DSCAML1: variants seen among roughly 807,000 people sequenced by gnomAD.
DSCAML1 encodes the protein cell adhesion molecule DSCAML1.
DSCAML1 carries 38 observed loss-of-function variants against 200.5 expected under a neutral mutation model. The ratio of observed to expected loss-of-function variants is 0.19; its 90% CI spans 0.15 to 0.25. The LOEUF (loss-of-function observed/expected upper bound fraction) is 0.25, where lower values mean the gene tolerates loss of function less well. DSCAML1 is among the 10% of genes least tolerant of loss of function. The pLI, the probability that DSCAML1 is intolerant of heterozygous loss-of-function variation, is 1.00. For missense variants in DSCAML1, 2,223 were observed against 2,858.8 expected (o/e 0.78, Z 5.07); for synonymous variants, 1,215 against 1,165.0 (o/e 1.04, Z -0.87).
At chr11:117,734,111 C>T (rs1399135146) in intron 3 of DSCAML1, among the ~76,000 whole-genome samples, 2 of 152,116 alleles carry the variant, frequency 1.3e-5, no homozygotes, top group African/African-American at 2.4e-5. Flanking sequence ...GGACCAATTG[C>T]ATGCATGTAA....
At chr11:117,553,229 A>G (rs1295313248) in intron 3 of DSCAML1, among the ~76,000 whole-genome samples, 1 of 152,248 alleles carries the variant, frequency 6.6e-6, no homozygotes, top group Non-Finnish European at 1.5e-5. Flanking sequence ...ATCTGGCAAC[A>G]ATTTCTTGGA....
rs1249098224 is a variant in DSCAML1 at position 117,437,865 on chromosome 11, C to A, written c.4432+30G>T. 6.3e-6 allele frequency: 10 copies of A among 1,579,336 alleles called. No homozygotes were observed. The highest frequency in any genetic ancestry group is 1.2e-5 in the South Asian group (1 of 86,632). ...GCCCACCCTCCCTGGGCCCATCGCT[C>A]CTTCCCTGCCCCAGTGGCCTGGGCC... On this transcript the variant is annotated intron_variant, in intron 25 of 32. Coordinates refer to ENST00000651296, the MANE Select transcript of DSCAML1 (RefSeq NM_020693.4). The surrounding 1 kb of genome is among the most constrained non-coding windows in gnomAD (Gnocchi z 5.3).
At chr11:117,510,022 G>C (rs981608940) in intron 8 of DSCAML1, among the ~76,000 whole-genome samples, 1 of 152,242 alleles carries the variant, frequency 6.6e-6, no homozygotes, top group East Asian at 1.9e-4. Context: ...CAATGGTGAA[G>C]AGGCAGAGGC....
chr11:117,743,813 C>A (rs1304277341), intron 3 of DSCAML1, among the ~76,000 whole-genome samples: 1 of 152,226 alleles, frequency 6.6e-6, no homozygotes, highest in Non-Finnish European at 1.5e-5. Flanking sequence ...ACACCCGCAG[C>A]CTGCCTGTGA....
chr11:117,513,259 G>T (rs1488402327), intron 8 of DSCAML1, among the ~76,000 whole-genome samples: 1 of 152,128 alleles, frequency 6.6e-6, no homozygotes, highest in African/African-American at 2.4e-5. Context: ...TGGGCTGGGG[G>T]TTGTTAGGTC....
chr11:117,497,334 T>C (rs2049308152), intron 11 of DSCAML1, among the ~76,000 whole-genome samples: 1 of 152,142 alleles, frequency 6.6e-6, no homozygotes, highest in Non-Finnish European at 1.5e-5. Context: ...CTCCCTGGGC[T>C]CTGCAGAGGG....
chr11:117,704,914 A>G (rs2508560), intron 3 of DSCAML1, among the ~76,000 whole-genome samples: 138,414 of 152,080 alleles, frequency 0.91, 63,482 homozygotes, highest in Non-Finnish European at 0.97. Flanking sequence ...CTGGAAAAGC[A>G]TTTCCATTTC....
intron 1 of DSCAML1, among the ~76,000 whole-genome samples, chr11:117,786,468 A>G (rs2055353765): frequency 6.6e-6 from 1 of 152,212 alleles, no homozygotes; most frequent in Non-Finnish European, 1.5e-5. Flanking sequence ...CTGAAACCTA[A>G]GTATCCATTG....
rs1173080359 is a variant in DSCAML1 at position 117,489,591 on chromosome 11, G to A, written c.2360-7429C>T. Among the ~76,000 whole-genome samples, 1 of 152,152 alleles carries A rather than the reference G, an allele frequency of 6.6e-6. No homozygotes were observed. Among genetic ancestry groups the A allele is most frequent in the Non-Finnish European group, 1.5e-5 (1 of 68,008 alleles). On this transcript the variant is annotated intron_variant, in intron 11 of 32. Transcript: ENST00000651296. The surrounding 1 kb of genome is among the most constrained non-coding windows in gnomAD (Gnocchi z 4.8). ...TTAGGTGGGGTAGGGTCTTCTCTCT[G>A]AGACCCTGGGGGAGTGAAGACCCTG...
At chr11:117,537,851 C>T (rs2050197025) in intron 3 of DSCAML1, among the ~76,000 whole-genome samples, 1 of 152,198 alleles carries the variant, frequency 6.6e-6, no homozygotes, top group African/African-American at 2.4e-5. Flanking sequence ...CCTCTGGAGC[C>T]TGTAGAGAGA....
At position 117,797,129 on chromosome 11, in the gene DSCAML1, G is replaced by GC. The variant is rs1283438967; in HGVS notation, c.-51dup. 6.3e-7 allele frequency: 1 copy of GC among 1,591,266 alleles called. No homozygotes were observed. Among genetic ancestry groups the GC allele is most frequent in the East Asian group, 2.4e-5 (1 of 42,380 alleles). ...GGGAGGTGGTCCTGTGGCCGGCCGTGCGGCAGCGCCTCTCCCCCGCTCAGC... is the reference window on the plus strand; with the variant it reads ...GGGAGGTGGTCCTGTGGCCGGCCGTGCCGGCAGCGCCTCTCCCCCGCTCAGC... On this transcript the variant is annotated 5_prime_UTR_variant, in exon 1 of 33. Coordinates refer to ENST00000651296, the MANE Select transcript of DSCAML1 (RefSeq NM_020693.4).
intron 11 of DSCAML1, among the ~76,000 whole-genome samples, chr11:117,485,933 T>TGGGTGTA (rs1350570444): frequency 2.0e-5 from 3 of 152,318 alleles, no homozygotes; most frequent in Admixed American, 2.0e-4. Context: ...CTACACCTAC[T>TGGGTGTA]GGTGTCAGCC....
At chr11:117,685,212 G>T (rs1299687247) in intron 3 of DSCAML1, among the ~76,000 whole-genome samples, 1 of 152,202 alleles carries the variant, frequency 6.6e-6, no homozygotes. Flanking sequence ...GAGCTGGAAG[G>T]AATCTCAAAG....
chr11:117,459,183 C>A (rs1265323894), intron 18 of DSCAML1, among the ~76,000 whole-genome samples: 1 of 152,250 alleles, frequency 6.6e-6, no homozygotes, highest in Non-Finnish European at 1.5e-5. Context: ...TTCACCTTGA[C>A]ACGCTCTTTA....
At chr11:117,534,792 T>C (rs1051706511) in intron 3 of DSCAML1, among the ~76,000 whole-genome samples, 2 of 152,162 alleles carry the variant, frequency 1.3e-5, no homozygotes, top group Middle Eastern at 3.2e-3. Flanking sequence ...AAAAAATTTT[T>C]GTAGAGATGA....
chr11:117,635,602 T>C (rs2052266055), intron 3 of DSCAML1, among the ~76,000 whole-genome samples: 1 of 143,428 alleles, frequency 7.0e-6, no homozygotes, highest in South Asian at 2.2e-4. Context: ...AAAAAGGAAA[T>C]GAAGAAAGAG....
At chr11:117,675,060 G>T (rs2053182886) in intron 3 of DSCAML1, among the ~76,000 whole-genome samples, 1 of 152,136 alleles carries the variant, frequency 6.6e-6, no homozygotes, top group Non-Finnish European at 1.5e-5. Flanking sequence ...GTGACCTTGG[G>T]CAAGTTATCG....
chr11:117,639,677 T>G (rs1363226061), intron 3 of DSCAML1, among the ~76,000 whole-genome samples: 2 of 152,018 alleles, frequency 1.3e-5, no homozygotes, highest in Admixed American at 6.5e-5. Flanking sequence ...ACGGTAGGCT[T>G]GTCTTCGTTG....
chr11:117,755,802 G>A (rs2054679276), intron 3 of DSCAML1, among the ~76,000 whole-genome samples: 3 of 152,172 alleles, frequency 2.0e-5, no homozygotes, highest in Admixed American at 6.5e-5. Context: ...GCACCTGGCT[G>A]TGGACTGAGG....
Sources: gnomAD v4.1 joint callset for allele counts (sites outside exome capture counted in the v4.1 genomes callset) on GRCh38, gnomAD v4.1.1 for gene constraint, Gnocchi (gnomAD v3.1) non-coding constraint, MANE v1.5 for transcripts, NCBI Gene and HGNC (gene_info 2026-07-23, HGNC 2026-07-21) for gene names.